Variants in EML3 observed in about 807,000 individuals in gnomAD.
EML3 encodes the protein EMAP like 3.
In EML3, 53 loss-of-function variants were observed where a neutral mutation model predicts 106.7. The observed-to-expected ratio is 0.50, with a 90% confidence interval of 0.40 to 0.62. The LOEUF is 0.62. Among genes scored for constraint, EML3 ranks in the 20% least tolerant of loss-of-function variants. The probability of loss-of-function intolerance (pLI) is 0.00; values close to 1 mark genes in which losing one functional copy is unlikely to be tolerated. For missense variants in EML3, 994 were observed against 1,209.1 expected, an observed-to-expected ratio of 0.82 and a Z score of 2.64; for synonymous variants, 499 against 489.6, an observed-to-expected ratio of 1.02 and a Z score of -0.25.
chr11:62,609,823 CGTGA>C (rs1942723909), intron 4 of EML3, 127 bp from the exon 5 acceptor site: 1 of 781,046 alleles, frequency 1.3e-6, no homozygotes, highest in South Asian at 1.9e-5. Context: ...TAGTTTGCTT[CGTGA>C]GTATCAGGGC....
chr11:62,608,227 G>C lies in EML3; in HGVS notation c.1180C>G (p.Arg394Gly). 6.2e-7 allele frequency: 1 copy of C among 1,613,732 alleles called. No individual in the cohort carries two copies. Among genetic ancestry groups the C allele is most frequent in the Non-Finnish European group, 8.5e-7 (1 of 1,179,980 alleles). ...EHMLSVWDCS[R>G]GMKLAEIKST... is the part of the protein sequence containing the mutation. ...TTGATCTCAGCCAGCTTCATTCCCC[G>C]GCTGCAGTCCCACACCGACAGCATG... The change falls in exon 10 of 22, where the codon CGG becomes GGG. Residue 394 changes from arginine to glycine, a missense_variant. Around this residue, in one of 3 missense-constraint regions of EML3, gnomAD observed 713 missense variants for 920.5 expected, o/e 0.77. Transcript: ENST00000394773.
At chr11:62,608,159 C>T (rs1942626657) in intron 10 of EML3, 42 bp downstream of exon 10, 1 of 1,587,424 alleles carries the variant, frequency 6.3e-7, no homozygotes, top group African/African-American at 1.3e-5. Flanking sequence ...ACCACTCCCA[C>T]CCCCAACCTC....
At chr11:62,603,616 C>A in intron 19 of EML3, 113 bp downstream of exon 19, 1 of 879,358 alleles carries the variant, frequency 1.1e-6, no homozygotes, top group Non-Finnish European at 1.8e-6. Context: ...ATAATTCCAA[C>A]TCCACTTTAA....
rs1026497974 is a variant in EML3 at position 62,605,588 on chromosome 11, C to G, written c.1914+54G>C. On this transcript the variant is annotated intron_variant, in intron 15 of 21. Transcript: ENST00000394773. The surrounding 1 kb of genome is among the most constrained non-coding windows in gnomAD (Gnocchi z 5.2). ...CAAGGTGCTGGGGAAGGCGTGGTGGCCACAGGTGTCCTGGTGGGTGTGGCA... is the reference window on the plus strand; with the variant it reads ...CAAGGTGCTGGGGAAGGCGTGGTGGGCACAGGTGTCCTGGTGGGTGTGGCA... 179 of 1,504,554 alleles carry G rather than the reference C, an allele frequency of 1.2e-4. 1 individual carries two copies. The African/African-American group carries it at 2.2e-3, about 19-fold the overall frequency. The allele number at this position is 1,504,554 out of a possible 1,614,324, so 93.2% of individuals were successfully genotyped here.
intron 4 of EML3, among the ~76,000 whole-genome samples, chr11:62,610,290 G>A (rs994069953): frequency 2.6e-5 from 4 of 152,196 alleles, no homozygotes; most frequent in African/African-American, 9.7e-5. Context: ...AGAGAATAAA[G>A]CACAGGCCAA....
chr11:62,611,864 G>A (rs1590764811), intron 1 of EML3: 3 of 525,116 alleles, frequency 5.7e-6, no homozygotes, highest in South Asian at 5.0e-5. Context: ...AGTACCGGGG[G>A]GGAAATATGG....
At position 62,608,272 on chromosome 11, in the gene EML3, CCACA is replaced by C; in HGVS notation, c.1131_1134del (p.Cys377TrpfsTer19). 6.2e-7 allele frequency: 1 copy of C among 1,613,912 alleles called. No homozygotes were observed. Among genetic ancestry groups the C allele is most frequent in the Non-Finnish European group, 8.5e-7 (1 of 1,179,996 alleles). On this transcript the variant is annotated frameshift_variant, in exon 10 of 22. Coordinates refer to ENST00000394773, the MANE Select transcript of EML3 (RefSeq NM_153265.3). LOFTEE classifies it high-confidence loss of function. ...AGCATGTGCTCATTGGAATCATCCA[CCACA>C]CAAAGAAAGGCACCCTGATCCTGAA...
In EML3 at chr11:62,611,167, C is replaced by G. The variant is rs757984603; in HGVS notation, c.372G>C (p.Gly124=). 1 of 1,604,728 alleles carries G rather than the reference C, an allele frequency of 6.2e-7. No individual in the cohort carries two copies. Among genetic ancestry groups the G allele is most frequent in the Admixed American group, 1.7e-5 (1 of 59,672 alleles). ...AGCCAGCACCACTGCTGCTGCTGCC[C>G]CCTCCTTCAGATTGGGTCCCGCTAG... ...EEPSGTQSEG[G]GSSSSGAGSP... is the part of the protein sequence containing the mutation. Residue 124 remains glycine (G), a synonymous_variant, in exon 3 of 22, where the codon GGG becomes GGC. Transcript: ENST00000394773.
At chr11:62,610,059 G>A (rs923398320) in intron 4 of EML3, among the ~76,000 whole-genome samples, 2 of 152,206 alleles carry the variant, frequency 1.3e-5, no homozygotes, top group African/African-American at 4.8e-5. Context: ...CTGGGTTCAA[G>A]CAATTCTCCT....
At chr11:62,607,962 C>T (rs111530219) in intron 10 of EML3, 141 bp from the exon 11 acceptor site, 65 of 969,564 alleles carry the variant, frequency 6.7e-5, no homozygotes, top group Non-Finnish European at 9.8e-5. Flanking sequence ...ACCCTGGTCC[C>T]CTAAGAGCAC....
chr11:62,606,084 C>T lies in EML3; in HGVS notation c.1635G>A (p.Leu545=). ...DRRLVQWGPG[L]VALQEAEIPE... is the part of the protein sequence containing the mutation. ...TCACCTCAGCCTCCTGGAGGGCCAC[C>T]AACCCGGGCCCCCACTGTACCAGCC... Residue 545 remains leucine, a synonymous_variant, in exon 13 of 22, where the codon TTG becomes TTA. Transcript: ENST00000394773. 3 of 1,613,994 alleles carry T rather than the reference C, an allele frequency of 1.9e-6. No homozygotes were observed. The highest frequency in any genetic ancestry group is 2.5e-6 in the Non-Finnish European group (3 of 1,180,008).
In EML3 at chr11:62,611,120, A is replaced by C. The variant is rs763198406; in HGVS notation, c.419T>G (p.Leu140Arg). The change falls in exon 3 of 22, where the codon CTC becomes CGC. Residue 140 changes from leucine to arginine, a missense_variant. Physicochemically the swap from Leu to Arg is moderately radical, Grantham distance 102. This residue lies in a region of EML3 where 269 missense variants were observed against 265.1 expected (regional missense o/e 1.01). Transcript: ENST00000394773. ...ACGCTGTGGGGGCTGCAAGGGCCTGAGGATCCCCGGGGGGCCAGGGGAGCC... is the reference window on the plus strand; with the variant it reads ...ACGCTGTGGGGGCTGCAAGGGCCTGCGGATCCCCGGGGGGCCAGGGGAGCC... Reference protein sequence around the residue: ...GAGSPGPPGILRPLQPPQRAD... With the variant: ...GAGSPGPPGIRRPLQPPQRAD... 6.3e-7 allele frequency: 1 copy of C among 1,597,322 alleles called. No homozygotes were observed. Among genetic ancestry groups the C allele is most frequent in the Admixed American group, 1.7e-5 (1 of 59,046 alleles).
chr11:62,602,527 G>T lies in EML3; in HGVS notation c.2639C>A (p.Ala880Asp). ...LGAGGAGPAP[A>D]TPSRTPSLSP... ...CAGGGAGGGGGTTCGAGAGGGCGTG[G>T]CGGGCGCCGGCCCCGCGCCCCCAGC... is the stretch of plus-strand genomic sequence containing the variant. The change falls in exon 22 of 22, where the codon GCC becomes GAC. Residue 880 changes from alanine (A) to aspartate (D), a missense_variant. Physicochemically the swap from Ala to Asp is moderately radical, Grantham distance 126. Coordinates refer to ENST00000394773, the MANE Select transcript of EML3 (RefSeq NM_153265.3). The T allele has an allele frequency of 6.7e-7, 1 of 1,493,322 alleles. No homozygotes were observed. Among genetic ancestry groups the T allele is most frequent in the East Asian group, 2.5e-5 (1 of 40,094 alleles). 92.5% of individuals were successfully genotyped at this position (1,493,322 alleles called of 1,614,324 possible).
chr11:62,610,428 C>G (rs1056357791), intron 4 of EML3, among the ~76,000 whole-genome samples: 1 of 152,070 alleles, frequency 6.6e-6, no homozygotes, highest in African/African-American at 2.4e-5. Context: ...CTTGGTAGAT[C>G]CAGCGGAAAG....
chr11:62,608,445 G>T (rs936487007), intron 9 of EML3, 97 bp downstream of exon 9: 5 of 1,413,716 alleles, frequency 3.5e-6, no homozygotes, highest in Non-Finnish European at 5.0e-6. Flanking sequence ...GCTGGGTGGG[G>T]TTCAGGAAGG....
In EML3 at chr11:62,605,217, T is replaced by C; in HGVS notation, c.1915-37A>G. On this transcript the variant is annotated intron_variant, in intron 15 of 21. Coordinates refer to ENST00000394773, the MANE Select transcript of EML3 (RefSeq NM_153265.3). This position sits in a 1 kb window ranked among gnomAD's most constrained non-coding sequence, Gnocchi z 5.2. Reference sequence around the variant, plus strand: ...GAGAAGGTGAATTCAAGATGATGTCTTTCTAGTGAGGGAACCAGAGTGAAC... The same window carrying C: ...GAGAAGGTGAATTCAAGATGATGTCCTTCTAGTGAGGGAACCAGAGTGAAC... 1 of 1,602,296 alleles carries C rather than the reference T, an allele frequency of 6.2e-7. No individual in the cohort carries two copies. Among genetic ancestry groups the C allele is most frequent in the Non-Finnish European group, 8.5e-7 (1 of 1,173,358 alleles).
At chr11:62,612,316 G>A in intron 1 of EML3, 120 bp downstream of exon 1, 5 of 1,016,258 alleles carry the variant, frequency 4.9e-6, no homozygotes, top group Non-Finnish European at 7.0e-6. Flanking sequence ...GAGGATGCTC[G>A]GAGCCCCTGG....
At chr11:62,607,634 TC>T (rs1212982401) in intron 11 of EML3, 31 bp downstream of exon 11, 1 of 1,596,518 alleles carries the variant, frequency 6.3e-7, no homozygotes, top group African/African-American at 1.3e-5. Flanking sequence ...CACTCTGCCC[TC>T]CCCATCACCT....
At chr11:62,610,794 C>G (rs1173625292) in intron 4 of EML3, 85 bp downstream of exon 4, 1 of 1,244,354 alleles carries the variant, frequency 8.0e-7, no homozygotes, top group East Asian at 2.4e-5. Context: ...GTCCCCCCAC[C>G]CCAACCAGGG....
Sources: gnomAD v4.1 joint callset for allele counts (sites outside exome capture counted in the v4.1 genomes callset) on GRCh38, gnomAD v4.1.1 for gene constraint, gnomAD v4.1.1 regional missense constraint, Gnocchi (gnomAD v3.1) non-coding constraint, MANE v1.5 for transcripts, NCBI Gene and HGNC (gene_info 2026-07-23, HGNC 2026-07-21) for gene names.